IDH2: variants seen among roughly 807,000 people sequenced by gnomAD.
The protein encoded by IDH2 is isocitrate dehydrogenase [NADP], mitochondrial.
Under a neutral mutation model 50.5 loss-of-function variants are expected in IDH2, and 18 were observed. The ratio of observed to expected loss-of-function variants is 0.36; its 90% confidence interval spans 0.25 to 0.53. The LOEUF (loss-of-function observed/expected upper bound fraction) is 0.53, where lower values mean the gene tolerates loss of function less well. Among genes scored for constraint, IDH2 ranks in the 20% least tolerant of loss-of-function variants. The pLI, the probability that IDH2 is intolerant of heterozygous loss-of-function variation, is 0.92. For synonymous variants in IDH2, 280 were observed against 239.8 expected (o/e 1.17, Z -1.55); for missense variants, 518 against 610.7 (o/e 0.85, Z 1.60).
rs528231909 is a variant in IDH2 at position 90,102,418 on chromosome 15, C to G, written c.-28G>C. On this transcript the variant is annotated 5_prime_UTR_variant, in exon 1 of 11. Transcript: ENST00000330062. ...CAAGCTGGAGAGCGAACGAGCAGGG[C>G]GGGAGAGGTCCGAGCGCGCGCCGCT... 1.6e-6 allele frequency: 2 copies of G among 1,218,052 alleles called. No homozygotes were observed. Among genetic ancestry groups the G allele is most frequent in the Non-Finnish European group, 2.1e-6 (2 of 951,760 alleles). 75.5% of individuals were successfully genotyped at this position (1,218,052 alleles called of 1,614,324 possible). A position where few individuals can be genotyped will look rare whatever the true frequency, so the allele number is the denominator to read the frequency against.
rs1441980632 is a variant in IDH2, at chr15:90,091,488, T to C, written c.207+65A>G. ...TAGGGACCTGCAGTCCAGAAGACCC[T>C]GTGGGACAGAACAATCCCTGGCCAG... is the stretch of plus-strand genomic sequence containing the variant. On this transcript the variant is annotated intron_variant, in intron 2 of 10. Transcript: ENST00000330062. The C allele has an allele frequency of 4.0e-6, 5 of 1,263,410 alleles. No individual in the cohort carries two copies. The East Asian group carries it at 1.2e-4, about 29-fold the overall frequency. The allele number at this position is 1,263,410 out of a possible 1,614,324, so 78.3% of individuals were successfully genotyped here. A position where few individuals can be genotyped will look rare whatever the true frequency, so the allele number is the denominator to read the frequency against.
At chr15:90,088,109 T>G (rs1182331100) in intron 5 of IDH2, among the ~76,000 whole-genome samples, 1 of 151,818 alleles carries the variant, frequency 6.6e-6, no homozygotes, top group African/African-American at 2.4e-5. Context: ...TTTTCTTTTC[T>G]TTTTGTTTCA....
intron 1 of IDH2, among the ~76,000 whole-genome samples, chr15:90,101,566 T>G (rs1006738937): frequency 6.6e-6 from 1 of 151,756 alleles, no homozygotes; most frequent in African/African-American, 2.4e-5. Flanking sequence ...TTGCGCGGGC[T>G]GCCAGGTCTC....
At chr15:90,092,226 C>T (rs181354890) in intron 1 of IDH2, among the ~76,000 whole-genome samples, 11 of 152,264 alleles carry the variant, frequency 7.2e-5, no homozygotes, top group Admixed American at 2.0e-4. Flanking sequence ...AAACCATCCC[C>T]GCTGCCCACC....
At chr15:90,099,498 T>TG (rs757383641) in intron 1 of IDH2, among the ~76,000 whole-genome samples, 24 of 152,188 alleles carry the variant, frequency 1.6e-4, no homozygotes, top group Non-Finnish European at 2.5e-4. Context: ...GGCAGGGTCT[T>TG]GCTTTGTCAC....
At position 90,088,429 on chromosome 15, in the gene IDH2, C is replaced by G; in HGVS notation, c.608G>C (p.Gly203Ala). The G allele has an allele frequency of 6.2e-7, 1 of 1,614,238 alleles. No individual in the cohort carries two copies. Among genetic ancestry groups the G allele is most frequent in the Non-Finnish European group, 8.5e-7 (1 of 1,180,052 alleles). The change falls in exon 5 of 11, where the codon GGT becomes GCT. Residue 203 changes from glycine (G) to alanine (A), a missense_variant. This residue lies in a region of IDH2 where 207 missense variants were observed against 208.6 expected (regional missense o/e 0.99). Transcript: ENST00000330062. ...KMVFTPKDGS[G>A]VKEWEVYNFP... The stretch of plus-strand genomic sequence containing the variant: ...GTTGTACACTTCCCACTCCTTGACA[C>G]CACTGCCATCTTTTGGGGTGAAGAC...
chr15:90,092,858 C>T (rs886675561), intron 1 of IDH2, among the ~76,000 whole-genome samples: 8 of 152,186 alleles, frequency 5.3e-5, no homozygotes, highest in African/African-American at 1.7e-4. Context: ...GGATTACAGG[C>T]GTGAGCCACC....
chr15:90,096,130 C>G (rs1901174951), intron 1 of IDH2, among the ~76,000 whole-genome samples: 1 of 151,968 alleles, frequency 6.6e-6, no homozygotes, highest in South Asian at 2.1e-4. Flanking sequence ...AACTCTGTGT[C>G]TACTAAAAAT....
Position 90,100,584 on chromosome 15 carries a change from T to C in IDH2, c.115+1692A>G. The C allele has an allele frequency of 1.0e-6, 1 of 980,798 alleles. No homozygotes were observed. The highest frequency in any genetic ancestry group is 1.2e-6 in the Non-Finnish European group (1 of 825,706). 60.8% of individuals were successfully genotyped at this position (980,798 alleles called of 1,614,324 possible). Reference sequence around the variant, plus strand: ...CCCAAGCTCTAACTTACCAGAAACATCACCAGCAGTCGCTGGAAGCCTATG... The same window carrying C: ...CCCAAGCTCTAACTTACCAGAAACACCACCAGCAGTCGCTGGAAGCCTATG... On this transcript the variant is annotated intron_variant, in intron 1 of 10. Transcript: ENST00000330062. The surrounding 1 kb of genome is among the most constrained non-coding windows in gnomAD (Gnocchi z 4.1).
intron 1 of IDH2, among the ~76,000 whole-genome samples, chr15:90,092,580 T>C (rs891093867): frequency 6.7e-6 from 1 of 150,242 alleles, no homozygotes; most frequent in Non-Finnish European, 1.5e-5. Context: ...TATTTTTAAT[T>C]TTTTTTTTTT....
rs1038948294 is a variant in IDH2, at chr15:90,092,248, C to T, written c.116-604G>A. On this transcript the variant is annotated intron_variant, in intron 1 of 10. Transcript: ENST00000330062. ...CCCCGCTGCCCACCACCCTGCCACC[C>T]GTGGAAAAATTGTCTTCCATGAAAC... Among the ~76,000 whole-genome samples, 11 of 152,328 alleles carry T rather than the reference C, an allele frequency of 7.2e-5. 1 individual carries two copies. The highest frequency in any genetic ancestry group is 6.8e-3 in the Middle Eastern group (2 of 294).
At chr15:90,092,010 G>A (rs1362495594) in intron 1 of IDH2, among the ~76,000 whole-genome samples, 1 of 152,166 alleles carries the variant, frequency 6.6e-6, no homozygotes. Flanking sequence ...GATCTAGGTT[G>A]CATACTCCTT....
chr15:90,096,404 T>C (rs1901181216), intron 1 of IDH2, among the ~76,000 whole-genome samples: 1 of 152,110 alleles, frequency 6.6e-6, no homozygotes, highest in African/African-American at 2.4e-5. Context: ...TCAACATCAC[T>C]AATCATCAGG....
intron 3 of IDH2, among the ~76,000 whole-genome samples, chr15:90,089,247 G>A (rs1313973664): frequency 6.6e-6 from 1 of 152,074 alleles, no homozygotes; most frequent in Non-Finnish European, 1.5e-5. Context: ...GCTTACAAAA[G>A]TGGCTCAACC....
In IDH2 at chr15:90,091,311, C is replaced by T. The variant is rs570336612; in HGVS notation, c.207+242G>A. Among the ~76,000 whole-genome samples, 7 of 152,342 alleles carry T rather than the reference C, an allele frequency of 4.6e-5. No homozygotes were observed. In the East Asian group the frequency reaches 7.7e-4, roughly 17 times the overall value. ...TTGAAGCTTCTCAAAGTTGACAGAA[C>T]GTGTGGGATCTGGCACCATCACAAC... is the stretch of plus-strand genomic sequence containing the variant. On this transcript the variant is annotated intron_variant, in intron 2 of 10. Coordinates refer to ENST00000330062, the MANE Select transcript of IDH2 (RefSeq NM_002168.4).
At position 90,098,834 on chromosome 15, in the gene IDH2, A is replaced by G. The variant is rs1041554738; in HGVS notation, c.115+3442T>C. On this transcript the variant is annotated intron_variant, in intron 1 of 10. Coordinates refer to ENST00000330062, the MANE Select transcript of IDH2 (RefSeq NM_002168.4). This position sits in a 1 kb window ranked among gnomAD's most constrained non-coding sequence, Gnocchi z 5.1. ...CCTGGGAGCCACCGCACGCGGCCAG[A>G]ACAGCCATTTTGGAACAAACTCTAG... Among the ~76,000 whole-genome samples, 2 of 152,158 alleles carry G rather than the reference A, an allele frequency of 1.3e-5. No homozygotes were observed. Among genetic ancestry groups the G allele is most frequent in the Admixed American group, 1.3e-4 (2 of 15,274 alleles).
At chr15:90,096,025 C>T (rs1033756273) in intron 1 of IDH2, among the ~76,000 whole-genome samples, 1 of 152,108 alleles carries the variant, frequency 6.6e-6, no homozygotes, top group African/African-American at 2.4e-5. Context: ...GGCTGGGCAC[C>T]GTGGCTCATG....
At chr15:90,099,473 G>A (rs188148798) in intron 1 of IDH2, among the ~76,000 whole-genome samples, 269 of 152,110 alleles carry the variant, frequency 1.8e-3, no homozygotes, top group African/African-American at 6.2e-3. Flanking sequence ...TCTCTTTTTG[G>A]GGGGAGAAGG....
rs1287735648 is a variant in IDH2 at position 90,102,450 on chromosome 15, G to A, written c.-60C>T. ...GGTCCGAGCGCGCGCCGCTCCTCCC[G>A]GCTGCCTGGCCGCGGGCTAACGCTG... On this transcript the variant is annotated 5_prime_UTR_variant, in exon 1 of 11. Transcript: ENST00000330062. 7 of 972,120 alleles carry A rather than the reference G, an allele frequency of 7.2e-6. No homozygotes were observed. The Admixed American group carries it at 1.8e-4, about 25-fold the overall frequency. 60.2% of individuals were successfully genotyped at this position (972,120 alleles called of 1,614,324 possible).
Sources: allele counts gnomAD v4.1 joint callset (sites outside exome capture counted in the v4.1 genomes callset), GRCh38; gene constraint gnomAD v4.1.1; regional missense constraint gnomAD v4.1.1; non-coding constraint Gnocchi (gnomAD v3.1); transcripts MANE v1.5; gene names NCBI Gene and HGNC (gene_info 2026-07-23, HGNC 2026-07-21).